CAMK2B: variants seen among roughly 807,000 people sequenced by gnomAD.
The protein encoded by CAMK2B is calcium/calmodulin-dependent protein kinase type II subunit beta.
A neutral mutation model predicts 93.7 loss-of-function variants in CAMK2B; 27 were observed. The observed-to-expected ratio is 0.29, with a 90% CI of 0.21 to 0.40. The LOEUF (loss-of-function observed/expected upper bound fraction) is 0.40. Ranked by LOEUF, CAMK2B falls within the 10% of genes least tolerant of loss-of-function variation. The pLI is 1.00. For missense variants in CAMK2B, 568 were observed against 895.8 expected, an observed-to-expected ratio of 0.63 and a Z score of 4.67; for synonymous variants, 374 against 358.8, an observed-to-expected ratio of 1.04 and a Z score of -0.48.
chr7:44,245,133 GAGA>G (rs1485780243), intron 6 of CAMK2B: 7 of 368,736 alleles, frequency 1.9e-5, no homozygotes, highest in Middle Eastern at 4.4e-4. Context: ...TTCTTCCGAA[GAGA>G]AGGAGCGTTA....
In CAMK2B at chr7:44,325,335, CCG is replaced by C. The variant is rs1458667091; in HGVS notation, c.65+20_65+21del. ...GGCCCTCTGGGGTCCCCGGCCCAGC[CCG>C]CGCGCGCCGCTGCTCTTACTTGCCA... On this transcript the variant is annotated intron_variant, in intron 1 of 23. Transcript: ENST00000395749. 4.1e-6 allele frequency: 5 copies of C among 1,225,138 alleles called. No homozygotes were observed. The highest frequency in any genetic ancestry group is 4.2e-6 in the Non-Finnish European group (4 of 954,520). The allele number at this position is 1,225,138 out of a possible 1,614,324, so 75.9% of individuals were successfully genotyped here. A position where few individuals can be genotyped will look rare whatever the true frequency, so the allele number is the denominator to read the frequency against.
intron 20 of CAMK2B, 27 bp from the exon 21 acceptor site, chr7:44,220,928 A>G (rs2096394359): frequency 6.5e-7 from 1 of 1,545,348 alleles, no homozygotes; most frequent in Admixed American, 2.0e-5. Flanking sequence ...CCAGGTGACC[A>G]CTGGGCGCTG....
At chr7:44,320,415 G>T (rs1159351025) in intron 1 of CAMK2B, among the ~76,000 whole-genome samples, 1 of 152,196 alleles carries the variant, frequency 6.6e-6, no homozygotes, top group African/African-American at 2.4e-5. Flanking sequence ...GAGAGGAGCA[G>T]AATGTGGATT....
intron 2 of CAMK2B, among the ~76,000 whole-genome samples, chr7:44,275,296 C>T (rs745802999): frequency 4.6e-5 from 7 of 152,194 alleles, no homozygotes; most frequent in Non-Finnish European, 8.8e-5. Context: ...TTTTGGGACT[C>T]GGTGTCTACA....
At chr7:44,250,527 C>CTTT (rs36056008) in intron 5 of CAMK2B, among the ~76,000 whole-genome samples, 22 of 117,814 alleles carry the variant, frequency 1.9e-4, no homozygotes, top group Non-Finnish European at 2.7e-4. Flanking sequence ...AGTGACATTG[C>CTTT]TTTTTTTTTT....
intron 5 of CAMK2B, among the ~76,000 whole-genome samples, chr7:44,251,079 C>A (rs558645033): frequency 6.6e-6 from 1 of 152,232 alleles, no homozygotes; most frequent in Admixed American, 6.5e-5. Context: ...ACGGCAGCAG[C>A]TCCTGGCCCT....
At chr7:44,222,211 T>G (rs539790320) in intron 20 of CAMK2B, among the ~76,000 whole-genome samples, 1 of 152,178 alleles carries the variant, frequency 6.6e-6, no homozygotes. Context: ...TCCTGGGAAC[T>G]CTCCCTGTGG....
chr7:44,277,325 G>C (rs902371368), intron 2 of CAMK2B, among the ~76,000 whole-genome samples: 1 of 152,136 alleles, frequency 6.6e-6, no homozygotes, highest in African/African-American at 2.4e-5. Flanking sequence ...CACCAACTTT[G>C]AATGTCTCAC....
intron 1 of CAMK2B, among the ~76,000 whole-genome samples, chr7:44,287,214 C>T (rs1785380114): frequency 6.9e-6 from 1 of 145,772 alleles, no homozygotes; most frequent in Non-Finnish European, 1.6e-5. Context: ...CTCACTGAAG[C>T]CCCAAACCTT....
intron 20 of CAMK2B, chr7:44,226,014 C>A: frequency 2.2e-6 from 2 of 898,404 alleles, no homozygotes; most frequent in Non-Finnish European, 3.0e-6. Flanking sequence ...TCAGCCTGGC[C>A]CCAGCTGCCC....
chr7:44,231,688 C>T (rs1267154474), intron 16 of CAMK2B, among the ~76,000 whole-genome samples: 1 of 152,186 alleles, frequency 6.6e-6, no homozygotes, highest in Non-Finnish European at 1.5e-5. Flanking sequence ...CCTCAGGGCA[C>T]CTGCCCCTCT....
At chr7:44,276,155 G>T (rs1389934020) in intron 2 of CAMK2B, among the ~76,000 whole-genome samples, 1 of 150,510 alleles carries the variant, frequency 6.6e-6, no homozygotes, top group African/African-American at 2.4e-5. Flanking sequence ...AGAGAGGAGG[G>T]CAGGGCCCCT....
At chr7:44,259,537 G>C (rs2096862264) in intron 3 of CAMK2B, 1 of 154,186 alleles carries the variant, frequency 6.5e-6, no homozygotes, top group Non-Finnish European at 1.4e-5. Context: ...CAGCAGGATG[G>C]ACCACCATCA....
At chr7:44,294,016 A>C (rs1402723107) in intron 1 of CAMK2B, among the ~76,000 whole-genome samples, 1 of 152,178 alleles carries the variant, frequency 6.6e-6, no homozygotes, top group East Asian at 1.9e-4. Context: ...CAACGGCAGC[A>C]AGGCAGTGGG....
At chr7:44,249,743 G>A (rs1217919000) in intron 5 of CAMK2B, among the ~76,000 whole-genome samples, 2 of 152,182 alleles carry the variant, frequency 1.3e-5, no homozygotes, top group Non-Finnish European at 2.9e-5. Context: ...TGCTGAGGGC[G>A]AGAGTTGAAC....
At chr7:44,261,304 A>T (rs2096877346) in intron 3 of CAMK2B, among the ~76,000 whole-genome samples, 1 of 152,234 alleles carries the variant, frequency 6.6e-6, no homozygotes, top group African/African-American at 2.4e-5. Context: ...GACATGCTTC[A>T]TGAAAATCAC....
At chr7:44,228,748 G>A in intron 19 of CAMK2B, 48 bp downstream of exon 19, 1 of 1,418,798 alleles carries the variant, frequency 7.0e-7, no homozygotes, top group East Asian at 2.7e-5. Context: ...GCCATTCGCA[G>A]GGAGCTGTCC....
At chr7:44,275,503 C>G (rs992177956) in intron 2 of CAMK2B, among the ~76,000 whole-genome samples, 1 of 152,256 alleles carries the variant, frequency 6.6e-6, no homozygotes, top group Non-Finnish European at 1.5e-5. Context: ...AGTCCTGTCT[C>G]TTAACAGTCT....
intron 2 of CAMK2B, chr7:44,268,008 G>GAGGTCC (rs1262136003): frequency 1.3e-5 from 2 of 152,296 alleles, no homozygotes; most frequent in African/African-American, 4.8e-5. Flanking sequence ...GGTGTCCCCC[G>GAGGTCC]AGGTCCGCAC....
Sources: gnomAD v4.1 joint callset for allele counts (sites outside exome capture counted in the v4.1 genomes callset) on GRCh38, gnomAD v4.1.1 for gene constraint, MANE v1.5 for transcripts, NCBI Gene and HGNC (gene_info 2026-07-23, HGNC 2026-07-21) for gene names.